Variants in SOX5 observed in about 807,000 individuals in gnomAD.
The protein encoded by SOX5 is transcription factor SOX-5.
In SOX5, 9 loss-of-function variants were observed where a neutral mutation model predicts 92.0. The observed-to-expected ratio is 0.10, with a 90% CI of 0.06 to 0.17. SOX5 has a LOEUF of 0.17. Among genes scored for constraint, SOX5 ranks in the 10% least tolerant of loss-of-function variants. The pLI is 1.00. For synonymous variants in SOX5, 344 were observed against 336.3 expected, an observed-to-expected ratio of 1.02 and a Z score of -0.25; for missense variants, 642 against 944.5, an observed-to-expected ratio of 0.68 and a Z score of 4.20.
intron 9 of SOX5, among the ~76,000 whole-genome samples, chr12:23,587,738 T>A (rs1437595564): frequency 6.6e-6 from 1 of 152,118 alleles, no homozygotes; most frequent in Non-Finnish European, 1.5e-5. Flanking sequence ...CACTATTATT[T>A]ATATAGACCT....
chr12:24,227,858 A>T (rs1394741279), intron 3 of SOX5: 1 of 152,222 alleles, frequency 6.6e-6, no homozygotes, highest in Non-Finnish European at 1.5e-5. Flanking sequence ...GAAAGCATAG[A>T]GTTTACTAAT....
chr12:24,545,029 C>T (rs189370387), intron 1 of SOX5, among the ~76,000 whole-genome samples: 1 of 152,118 alleles, frequency 6.6e-6, no homozygotes, highest in African/African-American at 2.4e-5. Context: ...GGTTTATATA[C>T]ATGATCAGAA....
chr12:23,922,689 A>G (rs936367601), intron 1 of SOX5, among the ~76,000 whole-genome samples: 1 of 152,254 alleles, frequency 6.6e-6, no homozygotes, highest in Non-Finnish European at 1.5e-5. Flanking sequence ...GTTAAAAATA[A>G]GTTCAAGTGC....
intron 1 of SOX5, among the ~76,000 whole-genome samples, chr12:24,372,951 C>CA (rs375852900): frequency 0.048 from 5,848 of 122,498 alleles, 475 homozygotes; most frequent in African/African-American, 0.16. Context: ...CCATCTCTAC[C>CA]AAAAAAAAAA....
At chr12:24,313,209 C>G (rs1251769366) in intron 2 of SOX5, among the ~76,000 whole-genome samples, 1 of 152,052 alleles carries the variant, frequency 6.6e-6, no homozygotes, top group Non-Finnish European at 1.5e-5. Flanking sequence ...TCAAATATCA[C>G]CGCCTCTGTG....
chr12:24,182,444 G>C (rs889995784), intron 4 of SOX5, among the ~76,000 whole-genome samples: 5 of 152,252 alleles, frequency 3.3e-5, no homozygotes, highest in African/African-American at 1.2e-4. Flanking sequence ...TGATTTGTAG[G>C]AGCACTCAAA....
At chr12:24,331,925 TAAAGTA>T (rs1951379588) in intron 2 of SOX5, among the ~76,000 whole-genome samples, 1 of 143,250 alleles carries the variant, frequency 7.0e-6, no homozygotes, top group Non-Finnish European at 1.5e-5. Context: ...ATTAAGTATG[TAAAGTA>T]AAAGGTGTGA....
intron 3 of SOX5, among the ~76,000 whole-genome samples, chr12:24,251,565 GT>G (rs1214717783): frequency 7.0e-6 from 1 of 143,468 alleles, no homozygotes; most frequent in Admixed American, 6.8e-5. Context: ...GATGGTTAGG[GT>G]TTTTTGTTTT....
intron 4 of SOX5, among the ~76,000 whole-genome samples, chr12:24,003,340 C>A (rs1313511559): frequency 6.6e-6 from 1 of 151,776 alleles, no homozygotes; most frequent in South Asian, 2.1e-4. Flanking sequence ...TAAAAGTCAT[C>A]CATCTTACTG....
intron 8 of SOX5, chr12:23,632,087 A>G (rs980635876): frequency 1.2e-4 from 18 of 152,150 alleles, no homozygotes; most frequent in Non-Finnish European, 2.2e-4. Flanking sequence ...GTCTCTGTAT[A>G]TAATTTAATT....
intron 3 of SOX5, among the ~76,000 whole-genome samples, chr12:23,830,276 T>G (rs1191567308): frequency 6.6e-6 from 1 of 152,158 alleles, no homozygotes; most frequent in Non-Finnish European, 1.5e-5. Flanking sequence ...TTTATCATCA[T>G]TTTATGAGTG....
intron 1 of SOX5, among the ~76,000 whole-genome samples, chr12:24,466,433 T>A (rs1171110167): frequency 6.6e-6 from 1 of 152,038 alleles, no homozygotes; most frequent in African/African-American, 2.4e-5. Flanking sequence ...AAATAAACGT[T>A]TTGGAACTAC....
intron 4 of SOX5, among the ~76,000 whole-genome samples, chr12:23,974,113 A>C (rs1948655158): frequency 1.3e-5 from 2 of 152,232 alleles, no homozygotes; most frequent in Admixed American, 1.3e-4. Context: ...ATAAAATAGA[A>C]AAATTAGAAC....
chr12:23,675,901 T>C (rs1031294070), intron 6 of SOX5, among the ~76,000 whole-genome samples: 3 of 152,170 alleles, frequency 2.0e-5, no homozygotes, highest in Admixed American at 6.5e-5. Context: ...TGGTAATACC[T>C]ATCAATCATC....
At chr12:23,967,935 T>A (rs1346698122) in intron 4 of SOX5, among the ~76,000 whole-genome samples, 1 of 152,174 alleles carries the variant, frequency 6.6e-6, no homozygotes, top group Non-Finnish European at 1.5e-5. Flanking sequence ...TAGCTCACAT[T>A]TATTAAATGC....
At chr12:23,546,645 G>A (rs539752869) in intron 11 of SOX5, among the ~76,000 whole-genome samples, 76 of 152,214 alleles carry the variant, frequency 5.0e-4, no homozygotes, top group Middle Eastern at 6.8e-3. Context: ...AAGTCTTGGC[G>A]TTTGGGTTTG....
chr12:24,537,089 T>C (rs1228031084), intron 1 of SOX5, among the ~76,000 whole-genome samples: 2 of 152,252 alleles, frequency 1.3e-5, no homozygotes, highest in Non-Finnish European at 1.5e-5. Flanking sequence ...TTCATATCTC[T>C]GGAGACACAG....
rs545120215 is a variant in SOX5, at chr12:24,043,846, A to T, written c.-1-147822T>A. Reference sequence around the variant, plus strand: ...ATATATAATTTTTACTTTCTTGGGCATTTTCCATTAGTAATGTAACAACAA... The same window carrying T: ...ATATATAATTTTTACTTTCTTGGGCTTTTTCCATTAGTAATGTAACAACAA... On this transcript the variant is annotated intron_variant, in intron 4 of 4. Transcript: ENST00000446891. Among the ~76,000 whole-genome samples, 12 of 152,288 alleles carry T rather than the reference A, an allele frequency of 7.9e-5. No individual in the cohort carries two copies. The East Asian group carries it at 2.3e-3, about 29-fold the overall frequency.
At chr12:23,722,494 T>C (rs2092874673) in intron 6 of SOX5, among the ~76,000 whole-genome samples, 2 of 152,210 alleles carry the variant, frequency 1.3e-5, no homozygotes, top group Admixed American at 1.3e-4. Flanking sequence ...GTTGGAAGTC[T>C]ATAGTTACAT....
Sources: allele counts gnomAD v4.1 joint callset (sites outside exome capture counted in the v4.1 genomes callset), GRCh38; gene constraint gnomAD v4.1.1; transcripts MANE v1.5; gene names NCBI Gene and HGNC (gene_info 2026-07-23, HGNC 2026-07-21).